Variants in LIN7A observed in about 807,000 individuals in gnomAD.
LIN7A encodes lin-7 cell polarity scaffold A, also known as protein lin-7 homolog A.
Under a neutral mutation model 29.8 loss-of-function variants are expected in LIN7A, and 25 were observed. That is an observed-to-expected ratio of 0.84 (90% CI 0.61 to 1.17). LIN7A has a LOEUF of 1.17. Among genes scored for constraint, LIN7A ranks in the 50% most tolerant of loss-of-function variants. The pLI is 0.00. For missense variants in LIN7A, 239 were observed against 287.0 expected (o/e 0.83, Z 1.21); for synonymous variants, 118 against 107.5 (o/e 1.10, Z -0.60).
intron 4 of LIN7A, among the ~76,000 whole-genome samples, chr12:80,822,441 C>A (rs1034404611): frequency 6.6e-6 from 1 of 152,118 alleles, no homozygotes; most frequent in Non-Finnish European, 1.5e-5. Context: ...GCCTGGAATT[C>A]CAGCTACTCA....
At position 80,795,717 on chromosome 12, in the gene LIN7A, G is replaced by T. The variant is rs896279114; in HGVS notation, c.*2010C>A. The T allele has an allele frequency of 6.6e-6, 1 of 152,010 alleles. No homozygotes were observed. The highest frequency in any genetic ancestry group is 1.5e-5 in the Non-Finnish European group (1 of 67,966). 9.4% of individuals were successfully genotyped at this position (152,010 alleles called of 1,614,324 possible). A position where few individuals can be genotyped will look rare whatever the true frequency, so the allele number is the denominator to read the frequency against. On this transcript the variant is annotated 3_prime_UTR_variant, in exon 6 of 6. Coordinates refer to ENST00000552864, the MANE Select transcript of LIN7A (RefSeq NM_004664.4). ...AGAATCCTGTGGCATTGCCTGAATAGCTTTAATATATCTTTGTTAAATGAT... is the reference window on the plus strand; with the variant it reads ...AGAATCCTGTGGCATTGCCTGAATATCTTTAATATATCTTTGTTAAATGAT...
chr12:80,907,350 A>G (rs1361694265), intron 1 of LIN7A, among the ~76,000 whole-genome samples: 1 of 152,154 alleles, frequency 6.6e-6, no homozygotes, highest in African/African-American at 2.4e-5. Flanking sequence ...AATGGGAGGC[A>G]ATAAGGACAT....
chr12:80,875,512 A>C (rs1325980235), intron 2 of LIN7A, among the ~76,000 whole-genome samples: 1 of 152,202 alleles, frequency 6.6e-6, no homozygotes, highest in Non-Finnish European at 1.5e-5. Context: ...GAACCCTGAA[A>C]ATTTGGCTCT....
intron 4 of LIN7A, among the ~76,000 whole-genome samples, chr12:80,837,380 C>G (rs983272377): frequency 1.3e-5 from 2 of 151,444 alleles, no homozygotes; most frequent in African/African-American, 4.9e-5. Context: ...CTCAGTGGGC[C>G]CTAAGAACTC....
intron 1 of LIN7A, among the ~76,000 whole-genome samples, chr12:80,909,697 C>A (rs1260012704): frequency 6.6e-6 from 1 of 152,130 alleles, no homozygotes; most frequent in African/African-American, 2.4e-5. Context: ...GGCCCCACCT[C>A]CTAATAGTAC....
At chr12:80,922,070 G>A (rs1049122162) in intron 1 of LIN7A, among the ~76,000 whole-genome samples, 7 of 152,098 alleles carry the variant, frequency 4.6e-5, no homozygotes, top group African/African-American at 1.4e-4. Context: ...TAATGAAATA[G>A]GAAAGGAAAT....
chr12:80,899,414 T>C (rs1876079848), intron 1 of LIN7A, among the ~76,000 whole-genome samples: 1 of 152,200 alleles, frequency 6.6e-6, no homozygotes, highest in African/African-American at 2.4e-5. Context: ...TGCATTTATG[T>C]GTATCAAGGG....
At chr12:80,901,342 CTA>C (rs1391492505) in intron 1 of LIN7A, among the ~76,000 whole-genome samples, 1 of 152,102 alleles carries the variant, frequency 6.6e-6, no homozygotes, top group Non-Finnish European at 1.5e-5. Flanking sequence ...AATTCGAAGT[CTA>C]TGTATTTTAC....
At chr12:80,919,645 G>A (rs1367732876) in intron 1 of LIN7A, among the ~76,000 whole-genome samples, 7 of 152,174 alleles carry the variant, frequency 4.6e-5, no homozygotes. Flanking sequence ...GGGAAAGAGA[G>A]GGCAGGAAAC....
At chr12:80,839,775 C>T (rs1418795123) in intron 4 of LIN7A, among the ~76,000 whole-genome samples, 4 of 152,096 alleles carry the variant, frequency 2.6e-5, no homozygotes, top group Non-Finnish European at 4.4e-5. Flanking sequence ...TTACTTTCAA[C>T]TTGATATAGG....
At chr12:80,865,208 G>A (rs536134833) in intron 2 of LIN7A, among the ~76,000 whole-genome samples, 7 of 152,176 alleles carry the variant, frequency 4.6e-5, no homozygotes, top group African/African-American at 1.4e-4. Flanking sequence ...ATAAGATTGT[G>A]TAGTCATATT....
chr12:80,935,694 T>G (rs1479740707), intron 1 of LIN7A: 1 of 430,964 alleles, frequency 2.3e-6, no homozygotes, highest in East Asian at 5.9e-5. Flanking sequence ...TAACCCATCA[T>G]CTCTTGGTTA....
At chr12:80,892,236 C>T (rs1875662549) in intron 1 of LIN7A, among the ~76,000 whole-genome samples, 1 of 152,182 alleles carries the variant, frequency 6.6e-6, no homozygotes, top group Non-Finnish European at 1.5e-5. Flanking sequence ...TGTCTTGGCA[C>T]ATATCATCCC....
intron 2 of LIN7A, among the ~76,000 whole-genome samples, chr12:80,866,577 A>C (rs557390331): frequency 4.1e-4 from 62 of 152,240 alleles, no homozygotes; most frequent in African/African-American, 1.5e-3. Context: ...TCACCTGGGG[A>C]TTCTTAAAAC....
chr12:80,923,309 G>A (rs374201107), intron 1 of LIN7A, among the ~76,000 whole-genome samples: 1 of 152,086 alleles, frequency 6.6e-6, no homozygotes, highest in Admixed American at 6.6e-5. Context: ...CTGGTTCTGA[G>A]GGGCCTGTGG....
intron 2 of LIN7A, among the ~76,000 whole-genome samples, chr12:80,881,129 A>C (rs1163673): frequency 0.68 from 103,156 of 151,994 alleles, 39,044 homozygotes; most frequent in Non-Finnish European, 0.87. Context: ...GTAAATTTCC[A>C]TCCTTTTAAA....
At chr12:80,910,758 G>A (rs1876709598) in intron 1 of LIN7A, among the ~76,000 whole-genome samples, 2 of 152,054 alleles carry the variant, frequency 1.3e-5, no homozygotes, top group African/African-American at 4.8e-5. Context: ...TATCCTTTTT[G>A]TGTATCTTCT....
rs184857951 is a variant in LIN7A at position 80,841,848 on chromosome 12, C to T, written c.483+3882G>A. On this transcript the variant is annotated intron_variant, in intron 4 of 5. Transcript: ENST00000552864. ...GAGCATAAAAGGGTGAAAAGGAGAT[C>T]ATTAGAAAGCTATAAATTCTTACTG... 171 of 977,552 alleles carry T rather than the reference C, an allele frequency of 1.7e-4. 3 individuals are homozygous for T. The East Asian group carries it at 0.016, about 91-fold the overall frequency. 60.6% of individuals were successfully genotyped at this position (977,552 alleles called of 1,614,324 possible).
rs149350229 is a variant in LIN7A at position 80,809,672 on chromosome 12, G to T, written c.*1793C>A. On this transcript the variant is annotated intron_variant, in intron 5 of 5. Coordinates refer to ENST00000552864, the MANE Select transcript of LIN7A (RefSeq NM_004664.4). ...CTTGCCTTGAAGGTTTTTTTCTGAG[G>T]ATTAGGGATAAAATGTGATAAGGGC... Among the ~76,000 whole-genome samples the T allele has an allele frequency of 1.3e-3, 193 of 152,178 alleles. 2 individuals are homozygous for T. Among genetic ancestry groups the T allele is most frequent in the East Asian group, 9.9e-3 (51 of 5,176 alleles).
Sources: gnomAD v4.1 joint callset for allele counts (sites outside exome capture counted in the v4.1 genomes callset) on GRCh38, gnomAD v4.1.1 for gene constraint, MANE v1.5 for transcripts, NCBI Gene and HGNC (gene_info 2026-07-23, HGNC 2026-07-21) for gene names.